The following ASTN2 variants were observed in gnomAD, a reference collection of about 807,000 sequenced individuals.
The protein encoded by ASTN2 is astrotactin-2.
Under a neutral mutation model 139.8 loss-of-function variants are expected in ASTN2, and 54 were observed. The observed-to-expected ratio is 0.39, with a 90% CI of 0.31 to 0.48. The LOEUF is 0.48. Among genes scored for constraint, ASTN2 ranks in the 20% least tolerant of loss-of-function variants. The pLI is 0.95. For missense variants in ASTN2, 1,565 were observed against 1,725.1 expected (o/e 0.91, Z 1.64); for synonymous variants, 756 against 719.5 (o/e 1.05, Z -0.81).
chr9:116,819,921 G>T (rs1335784507), intron 12 of ASTN2, among the ~76,000 whole-genome samples: 1 of 152,182 alleles, frequency 6.6e-6, no homozygotes, highest in Admixed American at 6.5e-5. Context: ...CTTCCCCAAA[G>T]ATCTCTTTTC....
chr9:116,881,384 T>C (rs1259462987), intron 10 of ASTN2, among the ~76,000 whole-genome samples: 1 of 152,194 alleles, frequency 6.6e-6, no homozygotes, highest in African/African-American at 2.4e-5. Flanking sequence ...TCCATATTCT[T>C]CTCCCAGAAT....
At chr9:117,162,918 C>T (rs1304133626) in intron 3 of ASTN2, among the ~76,000 whole-genome samples, 2 of 151,958 alleles carry the variant, frequency 1.3e-5, no homozygotes, top group Non-Finnish European at 2.9e-5. Flanking sequence ...ATTAAAGAAA[C>T]CTCAGAAGAG....
At chr9:116,552,698 A>G (rs1852406191) in intron 19 of ASTN2, among the ~76,000 whole-genome samples, 2 of 152,152 alleles carry the variant, frequency 1.3e-5, no homozygotes, top group Non-Finnish European at 2.9e-5. Context: ...TGACTCTGCT[A>G]TGTGTTCTGG....
intron 5 of ASTN2, among the ~76,000 whole-genome samples, chr9:117,055,143 A>G (rs1476098303): frequency 1.3e-5 from 2 of 152,182 alleles, no homozygotes; most frequent in Non-Finnish European, 2.9e-5. Context: ...CCTAGATGAT[A>G]TCTCCAGTCC....
At chr9:117,093,255 C>T (rs1828752115) in intron 5 of ASTN2, among the ~76,000 whole-genome samples, 1 of 152,142 alleles carries the variant, frequency 6.6e-6, no homozygotes, top group African/African-American at 2.4e-5. Context: ...ATCCAATGGT[C>T]CTTCTCAGCA....
intron 11 of ASTN2, among the ~76,000 whole-genome samples, chr9:116,855,579 G>C (rs76056539): frequency 0.082 from 12,475 of 152,262 alleles, 723 homozygotes; most frequent in Non-Finnish European, 0.11. Context: ...AGAGGGTAAA[G>C]AGAAGAAAGT....
chr9:117,350,425 C>G (rs1322628329), intron 1 of ASTN2, among the ~76,000 whole-genome samples: 4 of 151,908 alleles, frequency 2.6e-5, no homozygotes, highest in Non-Finnish European at 5.9e-5. Flanking sequence ...TCGTGGGCAC[C>G]TGTAATCCCA....
intron 3 of ASTN2, among the ~76,000 whole-genome samples, chr9:117,168,665 G>C (rs1028464247): frequency 6.6e-6 from 1 of 152,088 alleles, no homozygotes; most frequent in African/African-American, 2.4e-5. Flanking sequence ...TTCAGGTTTA[G>C]TATAAAGCCT....
chr9:116,925,822 T>C (rs1834737037), intron 10 of ASTN2, among the ~76,000 whole-genome samples: 1 of 151,624 alleles, frequency 6.6e-6, no homozygotes, highest in African/African-American at 2.4e-5. Context: ...CCCTGAACTA[T>C]CCCTGTCCTG....
At chr9:117,306,285 A>G (rs964136163) in intron 1 of ASTN2, among the ~76,000 whole-genome samples, 1 of 152,170 alleles carries the variant, frequency 6.6e-6, no homozygotes, top group African/African-American at 2.4e-5. Context: ...GCTTTTGGGC[A>G]TAATTTTCCT....
intron 3 of ASTN2, among the ~76,000 whole-genome samples, chr9:117,188,149 T>C (rs1459714962): frequency 5.4e-5 from 8 of 148,172 alleles, no homozygotes; most frequent in South Asian, 4.3e-4. Context: ...GAAAGATGTG[T>C]GTGTGTGTCT....
At chr9:117,020,801 A>G (rs1837857960) in intron 6 of ASTN2, among the ~76,000 whole-genome samples, 1 of 152,152 alleles carries the variant, frequency 6.6e-6, no homozygotes, top group African/African-American at 2.4e-5. Context: ...TTAGCGTGCA[A>G]TCAGTAAAGC....
chr9:117,322,763 G>A (rs879360243), intron 1 of ASTN2, among the ~76,000 whole-genome samples: 7 of 152,102 alleles, frequency 4.6e-5, no homozygotes, highest in Non-Finnish European at 7.4e-5. Flanking sequence ...CTTTGTTGAT[G>A]TGTATGCCTG....
intron 2 of ASTN2, among the ~76,000 whole-genome samples, chr9:117,272,950 G>A (rs908838565): frequency 1.9e-4 from 29 of 152,252 alleles, no homozygotes; most frequent in African/African-American, 5.8e-4. Context: ...TTCCAAAGTC[G>A]CTTCCACATT....
rs1836313876 is a variant in ASTN2 at position 116,975,303 on chromosome 9, G to A, written c.1794C>T (p.Ser598=). 6.2e-7 allele frequency: 1 copy of A among 1,613,470 alleles called. No homozygotes were observed. Among genetic ancestry groups the A allele is most frequent in the Non-Finnish European group, 8.5e-7 (1 of 1,179,700 alleles). The change falls in exon 10 of 23, where the codon AGC becomes AGT. Residue 598 remains serine, a synonymous_variant. Coordinates refer to ENST00000313400, the MANE Select transcript of ASTN2 (RefSeq NM_001365068.1). The stretch of plus-strand genomic sequence containing the variant: ...CCACAGGCGGAACCACAAAGCTTTT[G>A]CTGACAGGAAGCCAGAGGCCTTGGC... ...SLGQGLWLPV[S]KSFVVPPVEL... is the part of the protein sequence containing the mutation.
intron 16 of ASTN2, among the ~76,000 whole-genome samples, chr9:116,692,898 C>A (rs1296705997): frequency 6.6e-6 from 1 of 152,082 alleles, no homozygotes; most frequent in Non-Finnish European, 1.5e-5. Context: ...TTAGTCTCTG[C>A]TTGAAGGAGC....
intron 10 of ASTN2, among the ~76,000 whole-genome samples, chr9:116,962,868 G>A (rs774990672): frequency 2.6e-4 from 40 of 152,256 alleles, no homozygotes; most frequent in African/African-American, 8.2e-4. Flanking sequence ...TTGAGATAGC[G>A]TAAAGGTGTT....
At chr9:116,990,355 CTCTT>C (rs1836817051) in intron 7 of ASTN2, among the ~76,000 whole-genome samples, 1 of 28,950 alleles carries the variant, frequency 3.5e-5, no homozygotes, top group Non-Finnish European at 4.2e-4. Context: ...CAACCTCTGC[CTCTT>C]GGGTTCAAGC....
intron 4 of ASTN2, among the ~76,000 whole-genome samples, chr9:117,122,197 G>A (rs1263171413): frequency 6.6e-6 from 1 of 152,200 alleles, no homozygotes; most frequent in Non-Finnish European, 1.5e-5. Flanking sequence ...GAAAGTTTCA[G>A]GTATGCTATT....
Sources: gnomAD v4.1 joint callset for allele counts (sites outside exome capture counted in the v4.1 genomes callset) on GRCh38, gnomAD v4.1.1 for gene constraint, MANE v1.5 for transcripts, NCBI Gene and HGNC (gene_info 2026-07-23, HGNC 2026-07-21) for gene names.